RASA2: variants seen among roughly 807,000 people sequenced by gnomAD.
The protein encoded by RASA2 is RAS p21 protein activator 2.
In RASA2, 155 loss-of-function variants were observed where a neutral mutation model predicts 118.2. That is an observed-to-expected ratio of 1.31 (90% confidence interval 1.15 to 1.50). RASA2 has a LOEUF of 1.50. Among genes scored for constraint, RASA2 ranks in the 40% most tolerant of loss-of-function variants. RASA2 has a pLI of 0.00. For synonymous variants in RASA2, 353 were observed against 349.1 expected (o/e 1.01, Z -0.12); for missense variants, 1,016 against 1,009.6 (o/e 1.01, Z -0.09).
At chr3:141,508,981 C>G (rs141752993) in intron 1 of RASA2, among the ~76,000 whole-genome samples, 2 of 152,084 alleles carry the variant, frequency 1.3e-5, no homozygotes, top group East Asian at 3.8e-4. Context: ...TTAACATATT[C>G]TCTTTATGCT....
At chr3:141,573,257 A>C (rs772623480) in intron 13 of RASA2, 36 bp downstream of exon 13, 62 of 1,518,962 alleles carry the variant, frequency 4.1e-5, no homozygotes, top group Non-Finnish European at 5.2e-5. Context: ...ATTGCATTAA[A>C]ATTGGTCTTA....
intron 19 of RASA2, 94 bp from the exon 20 acceptor site, chr3:141,607,584 A>T: frequency 1.6e-6 from 2 of 1,257,756 alleles, no homozygotes; most frequent in East Asian, 5.9e-5. Context: ...CCTACCATCA[A>T]GAGGATGAGC....
At chr3:141,575,011 C>T (rs191556884) in intron 14 of RASA2, among the ~76,000 whole-genome samples, 110 of 152,282 alleles carry the variant, frequency 7.2e-4, no homozygotes, top group African/African-American at 2.6e-3. Flanking sequence ...GCTGCTAATA[C>T]TTAGAATTAT....
chr3:141,570,898 T>C lies in RASA2; in HGVS notation c.864-14T>C, dbSNP rs2082907193. ...CATTTCCATCACATGGAATCACTTA[T>C]ATTTTTACTTTAGGTACTTGCTACA... On this transcript the variant is annotated splice_polypyrimidine_tract_variant and intron_variant, in intron 9 of 23. Transcript: ENST00000286364. 3 of 1,596,728 alleles carry C rather than the reference T, an allele frequency of 1.9e-6. No individual in the cohort carries two copies. Among genetic ancestry groups the C allele is most frequent in the Non-Finnish European group, 2.6e-6 (3 of 1,173,796 alleles).
At chr3:141,563,312 T>G (rs2082766096) in intron 9 of RASA2, among the ~76,000 whole-genome samples, 1 of 152,142 alleles carries the variant, frequency 6.6e-6, no homozygotes, top group South Asian at 2.1e-4. Context: ...TTTGTTTTGT[T>G]TTCACTTAGA....
chr3:141,562,654 CA>C (rs369710849), intron 9 of RASA2, among the ~76,000 whole-genome samples: 3 of 146,148 alleles, frequency 2.1e-5, no homozygotes, highest in South Asian at 4.4e-4. Flanking sequence ...CAACAACACA[CA>C]AAAAAAAACC....
intron 17 of RASA2, among the ~76,000 whole-genome samples, chr3:141,584,870 TTCTC>T (rs1207353500): frequency 5.3e-5 from 8 of 152,020 alleles, no homozygotes; most frequent in African/African-American, 1.7e-4. Context: ...CTTTTATTCA[TTCTC>T]TCTCTCTCCA....
At position 141,570,963 on chromosome 3, in the gene RASA2, C is replaced by A; in HGVS notation, c.915C>A (p.Asp305Glu). Residue 305 changes from aspartate (D) to glutamate (E), a missense_variant, in exon 10 of 24, where the codon GAC becomes GAA. Asp to Glu is a conservative substitution (Grantham distance 45, BLOSUM62 2). This residue lies in a region of RASA2 where 896 missense variants were observed against 836.4 expected (regional missense o/e 1.07). Transcript: ENST00000286364. ...GAAACAAGTCATCCAAAACTGATGA[C>A]CTGGGGTCTCTTCGATTAAATATAT... ...DNGNKSSKTD[D>E]LGSLRLNICY... is the part of the protein sequence containing the mutation. 1 of 1,612,162 alleles carries A rather than the reference C, an allele frequency of 6.2e-7. No homozygotes were observed. Among genetic ancestry groups the A allele is most frequent in the Non-Finnish European group, 8.5e-7 (1 of 1,178,964 alleles).
intron 19 of RASA2, among the ~76,000 whole-genome samples, chr3:141,601,784 T>C (rs574851493): frequency 9.2e-5 from 14 of 152,314 alleles, no homozygotes; most frequent in African/African-American, 3.1e-4. Flanking sequence ...ATTTCTCCCC[T>C]TTTTCTTCTA....
rs190950384 is a variant in RASA2 at position 141,604,396 on chromosome 3, C to A, written c.1934-3282C>A. On this transcript the variant is annotated intron_variant, in intron 19 of 23. Coordinates refer to ENST00000286364, the MANE Select transcript of RASA2 (RefSeq NM_006506.5). ...CTATTTTTACTTTTTAAATTGTTAA[C>A]AAATTAAAACTTAAATGTTTATATT... Among the ~76,000 whole-genome samples the A allele has an allele frequency of 2.6e-5, 4 of 152,166 alleles. No homozygotes were observed. In the East Asian group the frequency reaches 7.7e-4, roughly 29 times the overall value.
intron 1 of RASA2, among the ~76,000 whole-genome samples, chr3:141,506,902 C>T (rs541702642): frequency 1.5e-5 from 2 of 136,224 alleles, no homozygotes; most frequent in East Asian, 2.1e-4. Context: ...GGCGACAGAG[C>T]GAGACCCTGT....
At chr3:141,574,535 A>G (rs957496248) in intron 14 of RASA2, among the ~76,000 whole-genome samples, 1 of 152,192 alleles carries the variant, frequency 6.6e-6, no homozygotes, top group Non-Finnish European at 1.5e-5. Flanking sequence ...AAATGATTCT[A>G]TCTTTCTCAT....
intron 1 of RASA2, among the ~76,000 whole-genome samples, chr3:141,511,822 T>G (rs866539199): frequency 1.3e-5 from 2 of 152,154 alleles, no homozygotes; most frequent in African/African-American, 4.8e-5. Flanking sequence ...AGAGGAAAAT[T>G]AATGGTGATT....
At chr3:141,521,469 G>A (rs998471067) in intron 3 of RASA2, among the ~76,000 whole-genome samples, 6 of 152,140 alleles carry the variant, frequency 3.9e-5, no homozygotes, top group African/African-American at 1.4e-4. Context: ...TAAGAAAAAT[G>A]TTTAGTAATT....
chr3:141,611,679 T>C (rs1286936550), intron 23 of RASA2, among the ~76,000 whole-genome samples: 10 of 152,214 alleles, frequency 6.6e-5, no homozygotes, highest in African/African-American at 1.7e-4. Context: ...AAATGTTCTT[T>C]GAAAAATATG....
At chr3:141,519,968 A>G (rs1459582744) in intron 3 of RASA2, among the ~76,000 whole-genome samples, 1 of 151,134 alleles carries the variant, frequency 6.6e-6, no homozygotes, top group Non-Finnish European at 1.5e-5. Context: ...GAGACTACAT[A>G]GGTAGGAAAA....
intron 19 of RASA2, among the ~76,000 whole-genome samples, chr3:141,591,150 C>T (rs375091682): frequency 1.8e-4 from 28 of 152,302 alleles, no homozygotes; most frequent in African/African-American, 6.7e-4. Context: ...CTCTTTATGT[C>T]TCATTCAGCC....
rs1243006261 is a variant in RASA2, at chr3:141,604,952, A to AT, written c.1934-2725dup. On this transcript the variant is annotated intron_variant, in intron 19 of 23. Transcript: ENST00000286364. ...AAATAAATAAATAAATTGAACAGGA[A>AT]TAAAAAAAAATGTCTTTTCCCCTTA... Among the ~76,000 whole-genome samples, 9 of 152,088 alleles carry AT rather than the reference A, an allele frequency of 5.9e-5. No individual in the cohort carries two copies. The East Asian group carries it at 1.7e-3, about 29-fold the overall frequency.
chr3:141,521,258 T>C (rs1443911647), intron 3 of RASA2, among the ~76,000 whole-genome samples: 1 of 151,666 alleles, frequency 6.6e-6, no homozygotes, highest in East Asian at 1.9e-4. Flanking sequence ...ATAAGGAGGG[T>C]TTCAGGGAAG....
Sources: allele counts gnomAD v4.1 joint callset (sites outside exome capture counted in the v4.1 genomes callset), GRCh38; gene constraint gnomAD v4.1.1; regional missense constraint gnomAD v4.1.1; transcripts MANE v1.5; gene names NCBI Gene and HGNC (gene_info 2026-07-23, HGNC 2026-07-21).